SPIDR: variants seen among roughly 807,000 people sequenced by gnomAD.
SPIDR encodes the protein DNA repair-scaffolding protein.
A neutral mutation model predicts 104.6 loss-of-function variants in SPIDR; 93 were observed. That is an observed-to-expected ratio of 0.89 (90% CI 0.75 to 1.06). The LOEUF (loss-of-function observed/expected upper bound fraction) is 1.06. Among genes scored for constraint, SPIDR ranks in the 50% least tolerant of loss-of-function variants. The pLI is 0.00. For missense variants in SPIDR, 1,154 were observed against 1,111.2 expected (o/e 1.04, Z -0.55); for synonymous variants, 431 against 416.9 (o/e 1.03, Z -0.41).
intron 10 of SPIDR, among the ~76,000 whole-genome samples, chr8:47,652,850 A>G (rs1240394852): frequency 6.6e-6 from 1 of 152,162 alleles, no homozygotes; most frequent in African/African-American, 2.4e-5. Context: ...ACTGGTTTCC[A>G]AGCCAGTCAG....
At chr8:47,358,049 G>A (rs2054912105) in intron 5 of SPIDR, among the ~76,000 whole-genome samples, 2 of 152,038 alleles carry the variant, frequency 1.3e-5, no homozygotes, top group African/African-American at 2.4e-5. Context: ...ATGACTGTTC[G>A]GCAGACTATT....
rs1313340146 is a variant in SPIDR at position 47,634,055 on chromosome 8, AC to A, written c.1544+34860del. On this transcript the variant is annotated intron_variant, in intron 10 of 19. Transcript: ENST00000297423. ...GGCTGCAGTGAGCCAAGATCGTGCCACTGCACCCCAGCCTGCGTGACAGAGT... is the reference window on the plus strand; with the variant it reads ...GGCTGCAGTGAGCCAAGATCGTGCCATGCACCCCAGCCTGCGTGACAGAGT... Among the ~76,000 whole-genome samples, 3 of 151,552 alleles carry A rather than the reference AC, an allele frequency of 2.0e-5. No individual in the cohort carries two copies. In the East Asian group the frequency reaches 5.8e-4, roughly 29 times the overall value.
chr8:47,271,577 C>G (rs2035330122), intron 1 of SPIDR, among the ~76,000 whole-genome samples: 1 of 151,934 alleles, frequency 6.6e-6, no homozygotes, highest in Non-Finnish European at 1.5e-5. Context: ...TTTATAATTT[C>G]TGTGTCTTTA....
intron 10 of SPIDR, among the ~76,000 whole-genome samples, chr8:47,621,487 G>A (rs912680345): frequency 7.9e-5 from 12 of 152,180 alleles, no homozygotes; most frequent in East Asian, 3.9e-4. Context: ...CTCTGTTCTC[G>A]CTTCTGTCTT....
At chr8:47,466,904 T>TATAG (rs1564054049) in intron 8 of SPIDR, among the ~76,000 whole-genome samples, 8 of 112,616 alleles carry the variant, frequency 7.1e-5, no homozygotes, top group African/African-American at 3.1e-4. Context: ...AAAAAAAATA[T>TATAG]ATATATATAT....
chr8:47,510,498 C>G (rs2082152973), intron 8 of SPIDR, among the ~76,000 whole-genome samples: 1 of 151,490 alleles, frequency 6.6e-6, no homozygotes, highest in South Asian at 2.1e-4. Flanking sequence ...CTCTTCTCTC[C>G]CTCCCAAAAA....
chr8:47,358,472 A>G (rs782448657), intron 5 of SPIDR, among the ~76,000 whole-genome samples: 17 of 152,110 alleles, frequency 1.1e-4, no homozygotes, highest in Non-Finnish European at 1.8e-4. Flanking sequence ...GAAATGATAA[A>G]TTTACAATGT....
chr8:47,269,568 TAAA>T (rs76483348), intron 1 of SPIDR, among the ~76,000 whole-genome samples: 1 of 132,052 alleles, frequency 7.6e-6, no homozygotes, highest in Non-Finnish European at 1.6e-5. Context: ...CCATGTCTCT[TAAA>T]AAAAAAAAAA....
chr8:47,263,794 A>T (rs1585995117), intron 1 of SPIDR, among the ~76,000 whole-genome samples: 1 of 152,212 alleles, frequency 6.6e-6, no homozygotes, highest in Non-Finnish European at 1.5e-5. Flanking sequence ...TTCACCTCCC[A>T]AATTATCCCA....
intron 1 of SPIDR, among the ~76,000 whole-genome samples, chr8:47,270,962 G>C (rs1038265905): frequency 6.6e-6 from 1 of 152,132 alleles, no homozygotes; most frequent in Non-Finnish European, 1.5e-5. Context: ...CGAAGCTTGA[G>C]TTATGGCCTA....
intron 8 of SPIDR, among the ~76,000 whole-genome samples, chr8:47,478,125 G>A (rs782325547): frequency 1.3e-5 from 2 of 152,210 alleles, no homozygotes; most frequent in Non-Finnish European, 1.5e-5. Context: ...GAAGGCACAA[G>A]GAGTACCAGA....
chr8:47,639,805 G>C (rs937312590), intron 10 of SPIDR, among the ~76,000 whole-genome samples: 3 of 151,918 alleles, frequency 2.0e-5, no homozygotes, highest in Middle Eastern at 3.4e-3. Flanking sequence ...AAAATTAGCC[G>C]GGCTTGATGT....
chr8:47,469,575 A>G (rs577054799), intron 8 of SPIDR, among the ~76,000 whole-genome samples: 1 of 152,176 alleles, frequency 6.6e-6, no homozygotes, highest in Non-Finnish European at 1.5e-5. Flanking sequence ...TTACAGAAAC[A>G]TGAATGGAGC....
At chr8:47,503,609 T>C (rs2080943464) in intron 8 of SPIDR, among the ~76,000 whole-genome samples, 1 of 152,238 alleles carries the variant, frequency 6.6e-6, no homozygotes. Context: ...CTGTGTCTTT[T>C]AATTGGCGCA....
rs899335058 is a variant in SPIDR, at chr8:47,729,434, C to T, written c.2573C>T (p.Ser858Phe). 11 of 1,597,492 alleles carry T rather than the reference C, an allele frequency of 6.9e-6. No homozygotes were observed. The Admixed American group carries it at 6.9e-5, about 10-fold the overall frequency. The change falls in exon 19 of 20, where the codon TCC becomes TTC. Residue 858 changes from serine to phenylalanine, a missense_variant. Physicochemically the swap from Ser to Phe is radical, Grantham distance 155. Coordinates refer to ENST00000297423, the MANE Select transcript of SPIDR (RefSeq NM_001080394.4). ...KVKLLQRSISSLLRFAAGEDG... is the reference protein window; with the variant it reads ...KVKLLQRSISFLLRFAAGEDG... ...CAGCTGTTGCAGCGCAGCATTTCCTCCCTGCTGAGGTTTGCCGCCGGTGAA... is the reference window on the plus strand; with the variant it reads ...CAGCTGTTGCAGCGCAGCATTTCCTTCCTGCTGAGGTTTGCCGCCGGTGAA...
At chr8:47,581,786 T>A (rs1475347082) in intron 8 of SPIDR, among the ~76,000 whole-genome samples, 1 of 152,206 alleles carries the variant, frequency 6.6e-6, no homozygotes, top group African/African-American at 2.4e-5. Flanking sequence ...AGAAAAAAAT[T>A]TCTATTTGCC....
chr8:47,447,514 A>G (rs1295490753), intron 8 of SPIDR, among the ~76,000 whole-genome samples: 2 of 152,212 alleles, frequency 1.3e-5, no homozygotes, highest in Non-Finnish European at 2.9e-5. Flanking sequence ...GCGCCTGGCC[A>G]GAAACGGGTT....
chr8:47,399,827 T>C (rs1332791339), intron 6 of SPIDR, among the ~76,000 whole-genome samples: 7 of 152,290 alleles, frequency 4.6e-5, no homozygotes, highest in African/African-American at 1.7e-4. Context: ...TAGAACTCAC[T>C]GATTGAGGAC....
chr8:47,334,557 C>T (rs576206747), intron 5 of SPIDR, among the ~76,000 whole-genome samples: 5 of 152,234 alleles, frequency 3.3e-5, no homozygotes, highest in African/African-American at 1.2e-4. Flanking sequence ...GTGTATTCTG[C>T]CTGAAATTAA....
Sources: allele counts gnomAD v4.1 joint callset (sites outside exome capture counted in the v4.1 genomes callset), GRCh38; gene constraint gnomAD v4.1.1; transcripts MANE v1.5; gene names NCBI Gene and HGNC (gene_info 2026-07-23, HGNC 2026-07-21).